Variants in PTPRK observed in about 807,000 individuals in gnomAD.
PTPRK encodes the protein protein tyrosine phosphatase receptor type K.
Under a neutral mutation model 178.0 loss-of-function variants are expected in PTPRK, and 75 were observed. The ratio of observed to expected loss-of-function variants is 0.42; its 90% CI spans 0.35 to 0.51. The LOEUF (loss-of-function observed/expected upper bound fraction) is 0.51, where lower values mean the gene tolerates loss of function less well. Among genes scored for constraint, PTPRK ranks in the 20% least tolerant of loss-of-function variants. PTPRK has a pLI of 0.02. For synonymous variants in PTPRK, 637 were observed against 620.6 expected, an observed-to-expected ratio of 1.03 and a Z score of -0.39; for missense variants, 1,441 against 1,797.8, an observed-to-expected ratio of 0.80 and a Z score of 3.59.
chr6:128,446,342 T>C (rs1847026746), intron 1 of PTPRK, among the ~76,000 whole-genome samples: 1 of 152,174 alleles, frequency 6.6e-6, no homozygotes, highest in Non-Finnish European at 1.5e-5. Context: ...ATAAACTGTA[T>C]TTGTAATCAG....
chr6:128,114,165 G>A (rs1477724478), intron 7 of PTPRK, among the ~76,000 whole-genome samples: 1 of 152,032 alleles, frequency 6.6e-6, no homozygotes, highest in African/African-American at 2.4e-5. Flanking sequence ...AGACTAGGTA[G>A]TTTATGAAGA....
chr6:128,345,258 C>G (rs4367401), intron 2 of PTPRK, among the ~76,000 whole-genome samples: 27,927 of 151,818 alleles, frequency 0.18, 3,395 homozygotes, highest in East Asian at 0.36. Context: ...GAATATATAT[C>G]TTTTTTTTGG....
chr6:128,228,659 C>A (rs1290164927), intron 5 of PTPRK, among the ~76,000 whole-genome samples: 15 of 111,654 alleles, frequency 1.3e-4, no homozygotes, highest in South Asian at 3.1e-4. Context: ...GACTCCATCT[C>A]AAAAAAAAAA....
intron 6 of PTPRK, among the ~76,000 whole-genome samples, chr6:128,211,100 G>A (rs1337864056): frequency 2.0e-5 from 3 of 152,052 alleles, no homozygotes; most frequent in African/African-American, 7.2e-5. Flanking sequence ...TGTAAGAGAT[G>A]AGAACACATC....
chr6:127,970,640 A>C (rs539647538), intron 29 of PTPRK, among the ~76,000 whole-genome samples: 9 of 152,230 alleles, frequency 5.9e-5, no homozygotes, highest in African/African-American at 1.9e-4. Flanking sequence ...AATGAGAAAA[A>C]GAGCTATAAT....
intron 2 of PTPRK, among the ~76,000 whole-genome samples, chr6:128,338,502 G>GT (rs1321278427): frequency 6.6e-6 from 1 of 152,166 alleles, no homozygotes; most frequent in African/African-American, 2.4e-5. Flanking sequence ...AGAATCCACT[G>GT]TATCACTTTC....
intron 2 of PTPRK, among the ~76,000 whole-genome samples, chr6:128,360,362 T>TA (rs1468982334): frequency 6.6e-6 from 1 of 152,190 alleles, no homozygotes; most frequent in East Asian, 1.9e-4. Context: ...CTAATGTTCT[T>TA]AAAATCATGG....
At chr6:128,385,526 T>C (rs1838579901) in intron 2 of PTPRK, among the ~76,000 whole-genome samples, 1 of 152,202 alleles carries the variant, frequency 6.6e-6, no homozygotes, top group African/African-American at 2.4e-5. Flanking sequence ...GTTAATACAG[T>C]CATGTCCATA....
intron 1 of PTPRK, among the ~76,000 whole-genome samples, chr6:128,453,400 T>C (rs956022792): frequency 1.4e-4 from 22 of 152,286 alleles, no homozygotes; most frequent in African/African-American, 4.8e-4. Context: ...TTAGCTTCTG[T>C]TGCATTAGGA....
At chr6:128,140,188 T>C (rs536900526) in intron 7 of PTPRK, among the ~76,000 whole-genome samples, 3 of 152,218 alleles carry the variant, frequency 2.0e-5, no homozygotes, top group Non-Finnish European at 4.4e-5. Flanking sequence ...CAGCTGAACA[T>C]GTTATTTTAC....
intron 6 of PTPRK, among the ~76,000 whole-genome samples, chr6:128,192,250 T>C (rs3813372): frequency 0.072 from 10,894 of 152,010 alleles, 812 homozygotes; most frequent in East Asian, 0.34. Context: ...GTAAAAAGCA[T>C]ACCCCTGAAA....
At chr6:128,119,574 C>A (rs998100361) in intron 7 of PTPRK, among the ~76,000 whole-genome samples, 2 of 151,958 alleles carry the variant, frequency 1.3e-5, no homozygotes, top group Non-Finnish European at 2.9e-5. Flanking sequence ...GAATAAGCTA[C>A]AGTTGTCTCT....
chr6:128,495,081 ACT>A (rs1443313870), intron 1 of PTPRK, among the ~76,000 whole-genome samples: 4 of 152,152 alleles, frequency 2.6e-5, no homozygotes, highest in Non-Finnish European at 2.9e-5. Flanking sequence ...TTATACATCA[ACT>A]CTGTGCAATT....
At chr6:128,094,781 AGTTGG>A (rs1430366112) in intron 7 of PTPRK, among the ~76,000 whole-genome samples, 1 of 152,150 alleles carries the variant, frequency 6.6e-6, no homozygotes, top group Non-Finnish European at 1.5e-5. Flanking sequence ...CTAAGTCAGG[AGTTGG>A]GGTACTCCCA....
chr6:128,429,392 A>T (rs1282103403), intron 1 of PTPRK, among the ~76,000 whole-genome samples: 1 of 152,334 alleles, frequency 6.6e-6, no homozygotes, highest in East Asian at 1.9e-4. Context: ...GCTATCATCC[A>T]CCAGGTGATA....
At chr6:128,064,242 A>G (rs1781370405) in intron 13 of PTPRK, among the ~76,000 whole-genome samples, 1 of 152,168 alleles carries the variant, frequency 6.6e-6, no homozygotes. Flanking sequence ...TGCCCTGGTT[A>G]TGAGCTAGCC....
chr6:128,107,850 C>G (rs1296388046), intron 7 of PTPRK, among the ~76,000 whole-genome samples: 1 of 152,138 alleles, frequency 6.6e-6, no homozygotes, highest in Admixed American at 6.6e-5. Flanking sequence ...ATGGCACCTC[C>G]TGATGAGCAA....
At chr6:128,463,222 T>C (rs1297284787) in intron 1 of PTPRK, among the ~76,000 whole-genome samples, 1 of 152,172 alleles carries the variant, frequency 6.6e-6, no homozygotes, top group Non-Finnish European at 1.5e-5. Flanking sequence ...GGTTCAGAAT[T>C]TATTCACAAC....
In PTPRK at chr6:128,499,284, C is replaced by T. The variant is rs184995601; in HGVS notation, c.100+20975G>A. 3.7e-4 allele frequency among the ~76,000 whole-genome samples: 57 copies of T among 152,298 alleles called. No homozygotes were observed. The East Asian group carries it at 4.2e-3, about 11-fold the overall frequency. ...ACACTGAACTGTAAATCTTCAGGTT[C>T]GAAAAATATTTTAAAAGACAATCCA... is the stretch of plus-strand genomic sequence containing the variant. On this transcript the variant is annotated intron_variant, in intron 1 of 29. Transcript: ENST00000368226.
Sources: gnomAD v4.1 joint callset for allele counts (sites outside exome capture counted in the v4.1 genomes callset) on GRCh38, gnomAD v4.1.1 for gene constraint, MANE v1.5 for transcripts, NCBI Gene and HGNC (gene_info 2026-07-23, HGNC 2026-07-21) for gene names.